HNRNPAB: variants seen among roughly 807,000 people sequenced by gnomAD.
HNRNPAB encodes the protein heterogeneous nuclear ribonucleoprotein A/B, also known as ABBP-1.
In HNRNPAB, 17 loss-of-function variants were observed where a neutral mutation model predicts 44.1. The observed-to-expected ratio is 0.39, with a 90% confidence interval of 0.26 to 0.58. The LOEUF (loss-of-function observed/expected upper bound fraction) is 0.58. HNRNPAB is among the 20% of genes least tolerant of loss of function. The pLI is 0.63. For missense variants in HNRNPAB, 393 were observed against 432.7 expected, an observed-to-expected ratio of 0.91 and a Z score of 0.81; for synonymous variants, 183 against 167.6, an observed-to-expected ratio of 1.09 and a Z score of -0.71.
intron 2 of HNRNPAB, 125 bp downstream of exon 2, chr5:178,205,171 G>T: frequency 1.6e-6 from 1 of 611,684 alleles, no homozygotes; most frequent in Non-Finnish European, 2.2e-6. Flanking sequence ...CCCGCGGACT[G>T]TCGCCGCTGC....
At position 178,209,455 on chromosome 5, in the gene HNRNPAB, G is replaced by A; in HGVS notation, c.787+8G>A. The A allele has an allele frequency of 6.2e-7, 1 of 1,610,314 alleles. No homozygotes were observed. The highest frequency in any genetic ancestry group is 8.5e-7 in the Non-Finnish European group (1 of 1,176,584). ...GTGGTGGTGGAGGTGGAGGTGAGTG[G>A]AACGTGGATGAAGATAGGTCCTGTT... On this transcript the variant is annotated splice_region_variant and intron_variant, in intron 6 of 7. Transcript: ENST00000358344.
At chr5:178,207,001 C>G in intron 4 of HNRNPAB, 93 bp from the exon 5 acceptor site, 1 of 1,585,346 alleles carries the variant, frequency 6.3e-7, no homozygotes, top group Non-Finnish European at 8.6e-7. Context: ...ATTTTTCACC[C>G]TCTGTCTTCA....
chr5:178,209,781 G>A (rs2113605869), intron 6 of HNRNPAB, among the ~76,000 whole-genome samples: 1 of 152,272 alleles, frequency 6.6e-6, no homozygotes, highest in South Asian at 2.1e-4. Context: ...GGGCAGAGCT[G>A]TGCCAGGCAT....
At chr5:178,205,089 G>T in intron 2 of HNRNPAB, 43 bp downstream of exon 2, 2 of 1,182,934 alleles carry the variant, frequency 1.7e-6, no homozygotes, top group Non-Finnish European at 2.1e-6. Context: ...CCTTTGTTCC[G>T]GGGCCGCCTT....
At chr5:178,206,216 C>T (rs755930441) in intron 3 of HNRNPAB, among the ~76,000 whole-genome samples, 2 of 152,102 alleles carry the variant, frequency 1.3e-5, no homozygotes, top group Non-Finnish European at 2.9e-5. Flanking sequence ...TGGAGTGGTT[C>T]GGGAAGATGA....
chr5:178,207,327 G>C, intron 5 of HNRNPAB, 102 bp downstream of exon 5: 1 of 1,417,808 alleles, frequency 7.1e-7, no homozygotes, highest in Non-Finnish European at 9.6e-7. Flanking sequence ...TCTCCAGGTT[G>C]GTCAGACTTT....
In HNRNPAB at chr5:178,204,903, C is replaced by G. The variant is rs990368315; in HGVS notation, c.66C>G (p.Ala22=). 5 of 1,211,170 alleles carry G rather than the reference C, an allele frequency of 4.1e-6. No homozygotes were observed. In the African/African-American group the frequency reaches 6.3e-5, roughly 15 times the overall value. 75.0% of individuals were successfully genotyped at this position (1,211,170 alleles called of 1,614,324 possible). A position where few individuals can be genotyped will look rare whatever the true frequency, so the allele number is the denominator to read the frequency against. Residue 22 remains alanine (A), a synonymous_variant, in exon 2 of 8, where the codon GCC becomes GCG. Coordinates refer to ENST00000358344, the MANE Select transcript of HNRNPAB (RefSeq NM_031266.3). ...GCGCCACCGAGAACGGACATGAGGCCGTCCCCGAAGGCGAGTCGCCGGCCG... is the reference window on the plus strand; with the variant it reads ...GCGCCACCGAGAACGGACATGAGGCGGTCCCCGAAGGCGAGTCGCCGGCCG... The part of the protein sequence containing the change: ...TTGATENGHE[A]VPEGESPAGA...
intron 6 of HNRNPAB, 85 bp downstream of exon 6, chr5:178,209,532 T>A: frequency 5.1e-6 from 6 of 1,176,722 alleles, no homozygotes; most frequent in Non-Finnish European, 7.6e-6. Context: ...CCTCTGGTGC[T>A]GTGCAGCAGG....
intron 2 of HNRNPAB, 113 bp from the exon 3 acceptor site, chr5:178,205,729 C>A: frequency 1.1e-6 from 1 of 944,158 alleles, no homozygotes; most frequent in South Asian, 1.6e-5. Context: ...GTGCTCCTTG[C>A]AGACTCTAAG....
At chr5:178,210,025 T>C in intron 6 of HNRNPAB, 107 bp from the exon 7 acceptor site, 1 of 1,499,742 alleles carries the variant, frequency 6.7e-7, no homozygotes, top group Non-Finnish European at 9.0e-7. Context: ...GGCTTCTGCC[T>C]GAGTTGCCAC....
In HNRNPAB at chr5:178,210,966, G is replaced by GTCACCTTTTTT; in HGVS notation, c.*353_*363dup. 1 of 281,816 alleles carries GTCACCTTTTTT rather than the reference G, an allele frequency of 3.5e-6. No homozygotes were observed. The highest frequency in any genetic ancestry group is 6.6e-6 in the Non-Finnish European group (1 of 150,600). 17.5% of individuals were successfully genotyped at this position (281,816 alleles called of 1,614,324 possible). On this transcript the variant is annotated 3_prime_UTR_variant, in exon 8 of 8. Transcript: ENST00000358344. Reference sequence around the variant, plus strand: ...GTAAATTGTATCTTAGGAAACCAGTGTCACCTTTTTTTCACCTTTTAATTT... The same window carrying GTCACCTTTTTT: ...GTAAATTGTATCTTAGGAAACCAGTGTCACCTTTTTTTCACCTTTTTTTCACCTTTTAATTT...
In HNRNPAB at chr5:178,205,032, C is replaced by T. The variant is rs1756984151; in HGVS notation, c.195C>T (p.Asn65=). The part of the protein sequence containing the change: ...AEGDQINASK[N]EEDAGKMFVG... ...GCGACCAGATCAACGCCAGCAAGAA[C>T]GAGGAGGACGCGGGGTAGGTGCGGC... The change falls in exon 2 of 8, where the codon AAC becomes AAT. Residue 65 remains asparagine, a synonymous_variant. Coordinates refer to ENST00000358344, the MANE Select transcript of HNRNPAB (RefSeq NM_031266.3). 5 of 1,207,304 alleles carry T rather than the reference C, an allele frequency of 4.1e-6. No homozygotes were observed. Among genetic ancestry groups the T allele is most frequent in the Non-Finnish European group, 5.1e-6 (5 of 972,170 alleles). 74.8% of individuals were successfully genotyped at this position (1,207,304 alleles called of 1,614,324 possible).
Position 178,210,149 on chromosome 5 carries a change from A to G in HNRNPAB, c.805A>G (p.Asn269Asp), listed in dbSNP as rs369373558. ...GGGGGQSQSWNQGYGNYWNQG... is the reference protein window; with the variant it reads ...GGGGGQSQSWDQGYGNYWNQG... ...CCCCACAGGTCAGAGTCAGAGTTGG[A>G]ATCAGGGCTACGGCAACTACTGGAA... The change falls in exon 7 of 8, where the codon AAT becomes GAT. Residue 269 changes from asparagine (N) to aspartate (D), a missense_variant. Coordinates refer to ENST00000358344, the MANE Select transcript of HNRNPAB (RefSeq NM_031266.3). 7 of 1,614,048 alleles carry G rather than the reference A, an allele frequency of 4.3e-6. No homozygotes were observed. The highest frequency in any genetic ancestry group is 5.9e-6 in the Non-Finnish European group (7 of 1,179,944).
Position 178,205,954 on chromosome 5 carries a change from G to A in HNRNPAB, c.322G>A (p.Gly108Arg), listed in dbSNP as rs769607521. 2 of 1,614,172 alleles carry A rather than the reference G, an allele frequency of 1.2e-6. No individual in the cohort carries two copies. Among genetic ancestry groups the A allele is most frequent in the South Asian group, 1.1e-5 (1 of 91,078 alleles). ...DCTIKMDPNT[G>R]RSRGFGFILF... ...TACAATAAAAATGGATCCCAACACT[G>A]GACGGTCAAGAGGGTTTGGGTTTAT... The change falls in exon 3 of 8, where the codon GGA becomes AGA. Residue 108 changes from glycine (G) to arginine (R), a missense_variant. This residue lies in a region of HNRNPAB where 102 missense variants were observed against 162.3 expected (regional missense o/e 0.63). Transcript: ENST00000358344.
intron 2 of HNRNPAB, chr5:178,205,569 T>C (rs1483121891): frequency 8.6e-6 from 3 of 350,346 alleles, no homozygotes; most frequent in Non-Finnish European, 1.6e-5. Context: ...CACATGAATT[T>C]CCAGTTATGA....
At position 178,209,295 on chromosome 5, in the gene HNRNPAB, C is replaced by T. The variant is rs146320282; in HGVS notation, c.670-35C>T. 9.0e-6 allele frequency: 14 copies of T among 1,559,456 alleles called. No individual in the cohort carries two copies. The East Asian group carries it at 2.7e-4, about 30-fold the overall frequency. On this transcript the variant is annotated intron_variant, in intron 5 of 7. Coordinates refer to ENST00000358344, the MANE Select transcript of HNRNPAB (RefSeq NM_031266.3). ...TGGGCAGTCACTGCCCTGAGTTTGT[C>T]CTACTGGCCTGACCACTGTCCTCTT...
At chr5:178,205,415 C>T (rs1469858704) in intron 2 of HNRNPAB, among the ~76,000 whole-genome samples, 1 of 152,132 alleles carries the variant, frequency 6.6e-6, no homozygotes, top group Admixed American at 6.5e-5. Context: ...GAGCCGGGGC[C>T]CGGACCTCCC....
chr5:178,210,855 A>C lies in HNRNPAB; in HGVS notation c.*232A>C. ...ATAGCGCCATCATGGGCTGATTTTT[A>C]TTACCAGGTCCCCCAGAAGCAGGTG... On this transcript the variant is annotated 3_prime_UTR_variant, in exon 8 of 8. Transcript: ENST00000358344. 1.8e-6 allele frequency: 1 copy of C among 559,984 alleles called. No individual in the cohort carries two copies. The highest frequency in any genetic ancestry group is 3.2e-6 in the Non-Finnish European group (1 of 313,662). The allele number at this position is 559,984 out of a possible 1,614,324, so 34.7% of individuals were successfully genotyped here.
chr5:178,207,366 G>A, intron 5 of HNRNPAB, 141 bp downstream of exon 5: 2 of 947,114 alleles, frequency 2.1e-6, no homozygotes, highest in Non-Finnish European at 3.1e-6. Context: ...ATGCTGCCCT[G>A]ATTGGGGCAG....
Sources: gnomAD v4.1 joint callset for allele counts (sites outside exome capture counted in the v4.1 genomes callset) on GRCh38, gnomAD v4.1.1 for gene constraint, gnomAD v4.1.1 regional missense constraint, MANE v1.5 for transcripts, NCBI Gene and HGNC (gene_info 2026-07-23, HGNC 2026-07-21) for gene names.